MTCL1: variants seen among roughly 807,000 people sequenced by gnomAD.
MTCL1 encodes microtubule cross-linking factor 1.
MTCL1 carries 79 observed loss-of-function variants against 141.4 expected under a neutral mutation model. The ratio of observed to expected loss-of-function variants is 0.56; its 90% confidence interval spans 0.47 to 0.67. The LOEUF is 0.67. Ranked by LOEUF, MTCL1 falls within the 30% of genes least tolerant of loss-of-function variation. MTCL1 has a pLI of 0.00. For synonymous variants in MTCL1, 914 were observed against 875.8 expected (o/e 1.04, Z -0.77); for missense variants, 2,177 against 2,113.9 (o/e 1.03, Z -0.59).
chr18:8,744,381 T>C (rs1007382484), intron 4 of MTCL1, among the ~76,000 whole-genome samples: 2 of 152,224 alleles, frequency 1.3e-5, no homozygotes, highest in Non-Finnish European at 2.9e-5. Flanking sequence ...TATCAAACCT[T>C]TTCAATTTTT....
rs2077186493 is a variant in MTCL1 at position 8,831,365 on chromosome 18, TCA to T, written c.*19-239_*19-238del. 5 of 1,338,834 alleles carry T rather than the reference TCA, an allele frequency of 3.7e-6. No homozygotes were observed. In the African/African-American group the frequency reaches 7.5e-5, roughly 20 times the overall value. 82.9% of individuals were successfully genotyped at this position (1,338,834 alleles called of 1,614,324 possible). A position where few individuals can be genotyped will look rare whatever the true frequency, so the allele number is the denominator to read the frequency against. On this transcript the variant is annotated intron_variant, in intron 16 of 16. Coordinates refer to ENST00000359865, the Ensembl canonical transcript of MTCL1. Reference sequence around the variant, plus strand: ...AAGGAGCTTTGCAAGCTGACTCATCTCACAGTATTGCTGTGTTTAATCATAAT... The same window carrying T: ...AAGGAGCTTTGCAAGCTGACTCATCTCAGTATTGCTGTGTTTAATCATAAT...
chr18:8,830,059 A>G lies in MTCL1; in HGVS notation c.*18+1095A>G, dbSNP rs2077149430. ...CACAACACACACAGAACAGATACAC[A>G]ATACACAACACACACACTACTTCTA... is the stretch of plus-strand genomic sequence containing the variant. On this transcript the variant is annotated intron_variant, in intron 16 of 16. Coordinates refer to ENST00000359865, the Ensembl canonical transcript of MTCL1. This position sits in a 1 kb window ranked among gnomAD's most constrained non-coding sequence, Gnocchi z 6.4. The G allele has an allele frequency of 1.0e-6, 1 of 985,420 alleles. No homozygotes were observed. The highest frequency in any genetic ancestry group is 1.7e-5 in the African/African-American group (1 of 57,312). The allele number at this position is 985,420 out of a possible 1,614,324, so 61.0% of individuals were successfully genotyped here.
At chr18:8,802,920 A>G (rs1340347132) in intron 10 of MTCL1, among the ~76,000 whole-genome samples, 1 of 152,228 alleles carries the variant, frequency 6.6e-6, no homozygotes, top group African/African-American at 2.4e-5. Flanking sequence ...CCTGTTGTCC[A>G]AGAAGACTTG....
chr18:8,716,568 C>CTTTT (rs1567928941), upstream of MTCL1, among the ~76,000 whole-genome samples: 1 of 108,890 alleles, frequency 9.2e-6, no homozygotes, highest in African/African-American at 3.4e-5. Flanking sequence ...TCTTTTTGTT[C>CTTTT]ATTTTTTTTT....
chr18:8,795,242 G>A (rs1294810753), intron 8 of MTCL1, among the ~76,000 whole-genome samples: 4 of 152,154 alleles, frequency 2.6e-5, no homozygotes, highest in African/African-American at 9.7e-5. Context: ...TATTCCCATG[G>A]CCTCTGAGAA....
chr18:8,727,685 T>C lies in MTCL1; in HGVS notation c.357+7189T>C, dbSNP rs538065782. Among the ~76,000 whole-genome samples, 6 of 152,334 alleles carry C rather than the reference T, an allele frequency of 3.9e-5. No homozygotes were observed. In the South Asian group the frequency reaches 1.2e-3, roughly 32 times the overall value. ...TTTTTCTATGTCATTATGTTTTCAG[T>C]GTATTTCTTCTGAACAGAATGTAGC... On this transcript the variant is annotated intron_variant, in intron 4 of 16. Coordinates refer to ENST00000359865, the Ensembl canonical transcript of MTCL1.
chr18:8,793,219 G>C, intron 8 of MTCL1, 99 bp downstream of exon 7: 1 of 1,527,106 alleles, frequency 6.5e-7, no homozygotes, highest in Non-Finnish European at 8.9e-7. Context: ...TGTCTGTTGC[G>C]TACAGGCTGC....
Position 8,828,880 on chromosome 18 carries a change from C to G in MTCL1, c.4723-28C>G. The G allele has an allele frequency of 6.2e-7, 1 of 1,607,218 alleles. No homozygotes were observed. Among genetic ancestry groups the G allele is most frequent in the Non-Finnish European group, 8.5e-7 (1 of 1,179,966 alleles). On this transcript the variant is annotated intron_variant, in intron 15 of 16. Transcript: ENST00000359865. The surrounding 1 kb of genome is among the most constrained non-coding windows in gnomAD (Gnocchi z 5.2). ...AACACTTTCCAACCTTCTTGCTTTT[C>G]TTTTCTTTCTCTGTCTGTTCTGTCC... is the stretch of plus-strand genomic sequence containing the variant.
chr18:8,733,580 A>G (rs2096262112), intron 4 of MTCL1, among the ~76,000 whole-genome samples: 1 of 151,910 alleles, frequency 6.6e-6, no homozygotes, highest in Non-Finnish European at 1.5e-5. Context: ...TAATTTTTGT[A>G]TTTTTAGTAG....
exon 6 of MTCL1, chr18:8,784,751 A>G (rs753872980): frequency 1.2e-6 from 2 of 1,614,158 alleles, no homozygotes; most frequent in Admixed American, 1.7e-5. Context: ...GCCCCACCTC[A>G]CAGAGTCCTC....
intron 10 of MTCL1, among the ~76,000 whole-genome samples, chr18:8,801,488 G>A (rs1199309711): frequency 6.6e-6 from 1 of 152,158 alleles, no homozygotes; most frequent in Non-Finnish European, 1.5e-5. Context: ...GATCTGAAGC[G>A]TTTTATCTTT....
At chr18:8,772,779 C>G (rs2143099719) in intron 4 of MTCL1, among the ~76,000 whole-genome samples, 1 of 151,806 alleles carries the variant, frequency 6.6e-6, no homozygotes, top group South Asian at 2.1e-4. Context: ...TGAGCATTTC[C>G]TATATCCTTA....
intron 4 of MTCL1, among the ~76,000 whole-genome samples, chr18:8,770,134 G>A (rs1186538070): frequency 2.6e-5 from 4 of 152,200 alleles, no homozygotes; most frequent in Non-Finnish European, 5.9e-5. Flanking sequence ...GGGTCTGAGG[G>A]CTGTGACCTT....
At position 8,705,801 on chromosome 18, in the gene MTCL1, C is replaced by G. The variant is rs1420919900; in HGVS notation, c.141C>G (p.Pro47=). Residue 47 remains proline (P), a synonymous_variant, in exon 1 of 14, where the codon CCC becomes CCG. Transcript: ENST00000306329. This position sits in a 1 kb window ranked among gnomAD's most constrained non-coding sequence, Gnocchi z 5.2. ...ACCGTGCGCCCTCGCCCGCCAGACC[C>G]TTCCTCAAGGACCTGCACGCCCGGC... The G allele has an allele frequency of 8.4e-7, 1 of 1,193,030 alleles. No homozygotes were observed. 73.9% of individuals were successfully genotyped at this position (1,193,030 alleles called of 1,614,324 possible).
At chr18:8,817,215 G>A (rs1451011200) in intron 12 of MTCL1, among the ~76,000 whole-genome samples, 2 of 148,318 alleles carry the variant, frequency 1.3e-5, no homozygotes, top group Non-Finnish European at 1.5e-5. Flanking sequence ...ACTAAATTGT[G>A]CCGACATGCA....
chr18:8,726,654 C>G (rs78036831), intron 4 of MTCL1, among the ~76,000 whole-genome samples: 2,268 of 152,176 alleles, frequency 0.015, 80 homozygotes, highest in East Asian at 0.099. Flanking sequence ...GTCAGGGCTT[C>G]CACATATGAA....
rs1235523152 is a variant in MTCL1 at position 8,706,719 on chromosome 18, C to T, written c.1053+6C>T. 1.3e-6 allele frequency: 2 copies of T among 1,544,638 alleles called. No individual in the cohort carries two copies. The highest frequency in any genetic ancestry group is 1.7e-6 in the Non-Finnish European group (2 of 1,146,000). On this transcript the variant is annotated splice_donor_region_variant and intron_variant, in intron 1 of 13. Coordinates refer to the MTCL1 transcript ENST00000306329. ...CGGAGAACGACTATCTCAAGGTGAGCCGCGCCTCGGCCGCAGGTGTCCCGG... is the reference window on the plus strand; with the variant it reads ...CGGAGAACGACTATCTCAAGGTGAGTCGCGCCTCGGCCGCAGGTGTCCCGG...
rs369805144 is a variant in MTCL1, at chr18:8,825,081, C to T, written c.3571C>T (p.Arg1191Cys). The T allele has an allele frequency of 5.8e-5, 93 of 1,611,010 alleles. No individual in the cohort carries two copies. Among genetic ancestry groups the T allele is most frequent in the South Asian group, 1.9e-4 (17 of 90,758 alleles). ...CGTCCTCACCGAGCAGTCGGGGTTG[C>T]GCGTGTTACACAGCCCGCCTGCCGT... is the stretch of plus-strand genomic sequence containing the variant. The change falls in exon 15 of 17, where the codon CGC becomes TGC. Residue 1191 changes from arginine (R) to cysteine (C), a missense_variant. By Grantham distance (180) the Arg-to-Cys change is radical. Coordinates refer to ENST00000359865, the Ensembl canonical transcript of MTCL1.
chr18:8,782,243 T>G (rs2143463065), intron 5 of MTCL1: 1 of 152,280 alleles, frequency 6.6e-6, no homozygotes, highest in Non-Finnish European at 1.5e-5. Context: ...GGAGAGCAGT[T>G]TGAAGCCTTT....
Sources: gnomAD v4.1 joint callset for allele counts (sites outside exome capture counted in the v4.1 genomes callset) on GRCh38, gnomAD v4.1.1 for gene constraint, Gnocchi (gnomAD v3.1) non-coding constraint, MANE v1.5 for transcripts, NCBI Gene and HGNC (gene_info 2026-07-23, HGNC 2026-07-21) for gene names.